The following ANKRD33B variants were observed in gnomAD, a reference collection of about 807,000 sequenced individuals.
ANKRD33B encodes the protein ankyrin repeat domain 33B.
A neutral mutation model predicts 21.5 loss-of-function variants in ANKRD33B; 6 were observed. The observed-to-expected ratio is 0.28, with a 90% CI of 0.15 to 0.55. The LOEUF (loss-of-function observed/expected upper bound fraction) is 0.55, where lower values mean the gene tolerates loss of function less well. Among genes scored for constraint, ANKRD33B ranks in the 20% least tolerant of loss-of-function variants. ANKRD33B has a pLI of 0.94. For synonymous variants in ANKRD33B, 347 were observed against 342.4 expected, an observed-to-expected ratio of 1.01 and a Z score of -0.15; for missense variants, 698 against 747.2, an observed-to-expected ratio of 0.93 and a Z score of 0.77.
intron 2 of ANKRD33B, among the ~76,000 whole-genome samples, chr5:10,634,138 A>T (rs2126596274): frequency 6.6e-6 from 1 of 152,338 alleles, no homozygotes; most frequent in East Asian, 1.9e-4. Flanking sequence ...CTCATTTTAC[A>T]GATATGGAAA....
At chr5:10,622,964 C>G (rs988265363) in intron 2 of ANKRD33B, among the ~76,000 whole-genome samples, 7 of 152,162 alleles carry the variant, frequency 4.6e-5, no homozygotes, top group Non-Finnish European at 7.4e-5. Flanking sequence ...TCCATCCAGG[C>G]TCAGTGCCCA....
chr5:10,599,249 T>TG (rs1311132128), intron 1 of ANKRD33B, among the ~76,000 whole-genome samples: 1 of 152,204 alleles, frequency 6.6e-6, no homozygotes, highest in Non-Finnish European at 1.5e-5. Context: ...CTTTTTTTTT[T>TG]CTTTCCATAG....
At chr5:10,593,537 C>T (rs924327673) in intron 1 of ANKRD33B, among the ~76,000 whole-genome samples, 1 of 152,092 alleles carries the variant, frequency 6.6e-6, no homozygotes. Context: ...TCTCAGTCGA[C>T]ACCCTACCCT....
At chr5:10,568,695 C>T (rs1310810368) in intron 1 of ANKRD33B, among the ~76,000 whole-genome samples, 3 of 152,176 alleles carry the variant, frequency 2.0e-5, no homozygotes, top group African/African-American at 7.2e-5. Context: ...CCACCACGCC[C>T]GGCTAATTTT....
Position 10,651,560 on chromosome 5 carries a change from A to C in ANKRD33B, c.*1447A>C, listed in dbSNP as rs1737357338. 1 of 152,318 alleles carries C rather than the reference A, an allele frequency of 6.6e-6. No individual in the cohort carries two copies. The highest frequency in any genetic ancestry group is 1.5e-5 in the Non-Finnish European group (1 of 68,028). 9.4% of individuals were successfully genotyped at this position (152,318 alleles called of 1,614,324 possible). On this transcript the variant is annotated 3_prime_UTR_variant, in exon 4 of 4. Coordinates refer to ENST00000296657, the MANE Select transcript of ANKRD33B (RefSeq NM_001164440.2). Reference sequence around the variant, plus strand: ...AACTCAGGCTGGAGTTTCTAGTTCTAATGGCTCTCTGGCCATGTGGGTTGT... The same window carrying C: ...AACTCAGGCTGGAGTTTCTAGTTCTCATGGCTCTCTGGCCATGTGGGTTGT...
chr5:10,649,501 G>A lies in ANKRD33B; in HGVS notation c.873G>A (p.Leu291=). The change falls in exon 4 of 4, where the codon CTG becomes CTA. Residue 291 remains leucine (L), a synonymous_variant. Transcript: ENST00000296657. ...QRLTDCVLSV[L]TPRSVRGPED... ...TCACAGACTGCGTGCTGTCCGTGCT[G>A]ACGCCGCGCTCCGTGCGGGGCCCGG... 2.0e-6 allele frequency: 3 copies of A among 1,534,882 alleles called. No individual in the cohort carries two copies. The highest frequency in any genetic ancestry group is 2.6e-6 in the Non-Finnish European group (3 of 1,146,216).
intron 1 of ANKRD33B, among the ~76,000 whole-genome samples, chr5:10,603,644 T>A (rs964188400): frequency 4.6e-5 from 7 of 152,274 alleles, no homozygotes; most frequent in Admixed American, 3.9e-4. Flanking sequence ...TTTTTACAAC[T>A]TTTTATAACC....
At chr5:10,604,734 A>G (rs1451737279) in intron 1 of ANKRD33B, among the ~76,000 whole-genome samples, 2 of 152,088 alleles carry the variant, frequency 1.3e-5, no homozygotes, top group African/African-American at 4.8e-5. Context: ...TTCAACTTTA[A>G]TGAATGATCC....
chr5:10,652,331 C>T lies in ANKRD33B; in HGVS notation c.*2218C>T, dbSNP rs1028592103. The T allele has an allele frequency of 1.3e-5, 2 of 152,414 alleles. No individual in the cohort carries two copies. The highest frequency in any genetic ancestry group is 2.4e-5 in the African/African-American group (1 of 41,454). The allele number at this position is 152,414 out of a possible 1,614,324, so 9.4% of individuals were successfully genotyped here. A position where few individuals can be genotyped will look rare whatever the true frequency, so the allele number is the denominator to read the frequency against. On this transcript the variant is annotated 3_prime_UTR_variant, in exon 4 of 4. Transcript: ENST00000296657. This position sits in a 1 kb window ranked among gnomAD's most constrained non-coding sequence, Gnocchi z 4.1. Reference sequence around the variant, plus strand: ...CTCCGCAGGTAACTGCACTGCAGCCCGCATTGAGAACCGCAGCTCTAACAC... The same window carrying T: ...CTCCGCAGGTAACTGCACTGCAGCCTGCATTGAGAACCGCAGCTCTAACAC...
chr5:10,579,125 C>T (rs551979182), intron 1 of ANKRD33B, among the ~76,000 whole-genome samples: 5 of 148,100 alleles, frequency 3.4e-5, no homozygotes, highest in Non-Finnish European at 7.4e-5. Context: ...GATCGCGCCA[C>T]TGCACTCTAG....
intron 1 of ANKRD33B, among the ~76,000 whole-genome samples, chr5:10,607,965 G>C (rs968895602): frequency 2.0e-5 from 3 of 152,158 alleles, no homozygotes; most frequent in Non-Finnish European, 2.9e-5. Context: ...GTGACCTGTG[G>C]TCTGGTGTTT....
At chr5:10,605,065 T>C (rs958198625) in intron 1 of ANKRD33B, among the ~76,000 whole-genome samples, 3 of 152,230 alleles carry the variant, frequency 2.0e-5, no homozygotes, top group Admixed American at 1.3e-4. Flanking sequence ...AAAGTGGCTC[T>C]CTCTCGTGGC....
chr5:10,652,481 C>T lies in ANKRD33B; in HGVS notation c.*2368C>T, dbSNP rs577753159. 2.6e-5 allele frequency: 4 copies of T among 152,670 alleles called. No individual in the cohort carries two copies. 9.5% of individuals were successfully genotyped at this position (152,670 alleles called of 1,614,324 possible). A position where few individuals can be genotyped will look rare whatever the true frequency, so the allele number is the denominator to read the frequency against. ...TGCTCGGACTGACGTGGCGTCTGAC[C>T]CTTGGTGGGTTGCCAGACATTCCTG... On this transcript the variant is annotated 3_prime_UTR_variant, in exon 4 of 4. Coordinates refer to ENST00000296657, the MANE Select transcript of ANKRD33B (RefSeq NM_001164440.2). The surrounding 1 kb of genome is among the most constrained non-coding windows in gnomAD (Gnocchi z 4.1).
At chr5:10,634,037 A>T (rs1262121502) in intron 2 of ANKRD33B, among the ~76,000 whole-genome samples, 1 of 152,056 alleles carries the variant, frequency 6.6e-6, no homozygotes, top group African/African-American at 2.4e-5. Context: ...ATTATTCAGA[A>T]TTTTTCTTCC....
At chr5:10,635,843 T>A (rs577485328) in intron 2 of ANKRD33B, among the ~76,000 whole-genome samples, 1 of 147,276 alleles carries the variant, frequency 6.8e-6, no homozygotes, top group African/African-American at 2.5e-5. Flanking sequence ...ATCGGAGGGT[T>A]TCATATTGGA....
intron 1 of ANKRD33B, among the ~76,000 whole-genome samples, chr5:10,601,787 C>T (rs1735938579): frequency 6.6e-6 from 1 of 152,226 alleles, no homozygotes; most frequent in African/African-American, 2.4e-5. Context: ...CCTATATATT[C>T]CTAAATCTGT....
chr5:10,637,108 C>T (rs1158519208), intron 2 of ANKRD33B, among the ~76,000 whole-genome samples: 1 of 152,216 alleles, frequency 6.6e-6, no homozygotes, highest in East Asian at 1.9e-4. Flanking sequence ...GATGTATTCA[C>T]ACAAGGACTT....
chr5:10,605,411 TA>T (rs1211370063), intron 1 of ANKRD33B, among the ~76,000 whole-genome samples: 1 of 152,220 alleles, frequency 6.6e-6, no homozygotes, highest in Non-Finnish European at 1.5e-5. Context: ...ATGGAATGAA[TA>T]AGAAAAGTAT....
chr5:10,632,192 G>T lies in ANKRD33B; in HGVS notation c.497-5836G>T, dbSNP rs573870727. ...GGAGGCCCGTGAATGTGGGCAGCGT[G>T]GGGGGCGATGGGGGAAAGCCGAGGG... On this transcript the variant is annotated intron_variant, in intron 2 of 3. Transcript: ENST00000296657. Among the ~76,000 whole-genome samples the T allele has an allele frequency of 1.5e-4, 23 of 152,046 alleles. No homozygotes were observed. In the South Asian group the frequency reaches 4.6e-3, roughly 30 times the overall value.
Sources: gnomAD v4.1 joint callset for allele counts (sites outside exome capture counted in the v4.1 genomes callset) on GRCh38, gnomAD v4.1.1 for gene constraint, Gnocchi (gnomAD v3.1) non-coding constraint, MANE v1.5 for transcripts, NCBI Gene and HGNC (gene_info 2026-07-23, HGNC 2026-07-21) for gene names.